The following BIRC6 variants were observed in gnomAD, a reference collection of about 807,000 sequenced individuals.
BIRC6 encodes baculoviral IAP repeat containing 6.
BIRC6 carries 98 observed loss-of-function variants against 503.3 expected under a neutral mutation model. That is an observed-to-expected ratio of 0.19 (90% CI 0.17 to 0.23). The LOEUF (loss-of-function observed/expected upper bound fraction) is 0.23, where lower values mean the gene tolerates loss of function less well. BIRC6 is among the 10% of genes least tolerant of loss of function. The pLI, the probability that BIRC6 is intolerant of heterozygous loss-of-function variation, is 1.00. For synonymous variants in BIRC6, 2,240 were observed against 2,078.7 expected, an observed-to-expected ratio of 1.08 and a Z score of -2.11; for missense variants, 5,360 against 5,806.0, an observed-to-expected ratio of 0.92 and a Z score of 2.50.
chr2:32,461,353 T>TGA (rs2047973096), intron 23 of BIRC6, among the ~76,000 whole-genome samples: 1 of 147,934 alleles, frequency 6.8e-6, no homozygotes. Flanking sequence ...AGTGTGTGTG[T>TGA]GTGTGTGTGT....
intron 2 of BIRC6, among the ~76,000 whole-genome samples, chr2:32,378,037 A>T (rs2037073194): frequency 6.6e-6 from 1 of 152,190 alleles, no homozygotes; most frequent in Non-Finnish European, 1.5e-5. Flanking sequence ...ACAATGGCTT[A>T]AACAGGATAG....
chr2:32,536,828 T>C (rs1222193711), intron 61 of BIRC6, among the ~76,000 whole-genome samples: 1 of 152,172 alleles, frequency 6.6e-6, no homozygotes, highest in East Asian at 1.9e-4. Flanking sequence ...GGGGATGACA[T>C]TGAATCTATA....
At chr2:32,507,888 C>T in intron 50 of BIRC6, 92 bp from the exon 51 acceptor site, 2 of 1,214,298 alleles carry the variant, frequency 1.6e-6, no homozygotes, top group Non-Finnish European at 2.2e-6. Flanking sequence ...ATGAATACAA[C>T]TGTGAAAGCT....
At chr2:32,394,899 C>G (rs1248466805) in intron 5 of BIRC6, among the ~76,000 whole-genome samples, 1 of 152,136 alleles carries the variant, frequency 6.6e-6, no homozygotes, top group African/African-American at 2.4e-5. Context: ...GCCTGTAATT[C>G]CAGCACTCTG....
chr2:32,553,087 C>T (rs2058536150), intron 65 of BIRC6, among the ~76,000 whole-genome samples: 1 of 146,998 alleles, frequency 6.8e-6, no homozygotes, highest in African/African-American at 2.5e-5. Flanking sequence ...ATCCCAGCTA[C>T]TTGGGAGGCT....
Position 32,575,301 on chromosome 2 carries a change from A to G in BIRC6, c.13290A>G (p.Gln4430=), listed in dbSNP as rs1333645945. 1 of 1,613,970 alleles carries G rather than the reference A, an allele frequency of 6.2e-7. No homozygotes were observed. The highest frequency in any genetic ancestry group is 1.1e-5 in the South Asian group (1 of 91,082). ...GEEEEEQSEC[Q]TSVGTLLAKM... is the part of the protein sequence containing the mutation. ...AGGAAGAAGAACAGTCAGAATGTCAAACTTCTGTTGGTACATTGTTAGCCA... is the reference window on the plus strand; with the variant it reads ...AGGAAGAAGAACAGTCAGAATGTCAGACTTCTGTTGGTACATTGTTAGCCA... The change falls in exon 66 of 74, where the codon CAA becomes CAG. Residue 4430 remains glutamine (Q), a synonymous_variant. Coordinates refer to ENST00000421745, the MANE Select transcript of BIRC6 (RefSeq NM_016252.4).
Position 32,464,542 on chromosome 2 carries a change from A to G in BIRC6, c.4975A>G (p.Thr1659Ala). Residue 1659 changes from threonine (T) to alanine (A), a missense_variant, in exon 25 of 74, where the codon ACA becomes GCA. Around this residue, in one of 16 missense-constraint regions of BIRC6, gnomAD observed 2,299 missense variants for 2,267.2 expected, o/e 1.01. Transcript: ENST00000421745. The part of the protein sequence containing the change: ...AKLEAKLHQT[T>A]AAAAAAASAV... ...GCTGGAAGCCAAGTTACATCAGACAACAGCTGCAGCAGCTGCAGCAGCATC... is the reference window on the plus strand; with the variant it reads ...GCTGGAAGCCAAGTTACATCAGACAGCAGCTGCAGCAGCTGCAGCAGCATC... The G allele has an allele frequency of 1.3e-6, 2 of 1,591,694 alleles. No individual in the cohort carries two copies. The highest frequency in any genetic ancestry group is 2.3e-5 in the South Asian group (2 of 88,818).
chr2:32,502,066 G>T (rs985771389), intron 47 of BIRC6, among the ~76,000 whole-genome samples, 178 bp downstream of exon 47: 1 of 152,162 alleles, frequency 6.6e-6, no homozygotes, highest in Non-Finnish European at 1.5e-5. Context: ...CTTTGAAGTG[G>T]TATTTTCAGA....
intron 61 of BIRC6, among the ~76,000 whole-genome samples, chr2:32,535,245 A>G (rs2057129920): frequency 2.0e-5 from 3 of 152,056 alleles, no homozygotes; most frequent in Non-Finnish European, 4.4e-5. Flanking sequence ...AACAGCAGCA[A>G]TAACACTAAC....
chr2:32,371,913 C>T (rs1045804315), intron 1 of BIRC6, among the ~76,000 whole-genome samples: 4 of 152,120 alleles, frequency 2.6e-5, no homozygotes, highest in Non-Finnish European at 4.4e-5. Flanking sequence ...TCCAGTGATT[C>T]TTCTGCCTCA....
rs1442214433 is a variant in BIRC6, at chr2:32,439,694, A to G, written c.3810+8A>G. On this transcript the variant is annotated splice_region_variant and intron_variant, in intron 16 of 73. Transcript: ENST00000421745. ...AAAGTTGCAGCAGGCAAGGTATGAA[A>G]CTGTCATTTTGAACAATAACAATAC... The G allele has an allele frequency of 6.2e-7, 1 of 1,610,942 alleles. No individual in the cohort carries two copies. Among genetic ancestry groups the G allele is most frequent in the East Asian group, 2.2e-5 (1 of 44,846 alleles).
At chr2:32,476,822 T>A (rs1342451825) in intron 34 of BIRC6, among the ~76,000 whole-genome samples, 1 of 152,186 alleles carries the variant, frequency 6.6e-6, no homozygotes, top group African/African-American at 2.4e-5. Flanking sequence ...AAGGCTCAAA[T>A]GTAGTATGTC....
At chr2:32,510,286 TC>T (rs1299359173) in intron 52 of BIRC6, among the ~76,000 whole-genome samples, 1 of 152,102 alleles carries the variant, frequency 6.6e-6, no homozygotes, top group Non-Finnish European at 1.5e-5. Context: ...TCCATATTGA[TC>T]AGGCTGGTTT....
chr2:32,603,529 A>G (rs1188728744), intron 71 of BIRC6, among the ~76,000 whole-genome samples: 1 of 152,142 alleles, frequency 6.6e-6, no homozygotes, highest in Non-Finnish European at 1.5e-5. Context: ...AGCTTGGCCA[A>G]CGTGGTAAGA....
Position 32,378,758 on chromosome 2 carries a change from C to T in BIRC6, c.507+989C>T, listed in dbSNP as rs116692688. On this transcript the variant is annotated intron_variant, in intron 2 of 73. Coordinates refer to ENST00000421745, the MANE Select transcript of BIRC6 (RefSeq NM_016252.4). The stretch of plus-strand genomic sequence containing the variant: ...AGGCGTGAGCCACCGCACCCAGCCA[C>T]ACAACCAGTAATTTTTGCTATGCAT... Among the ~76,000 whole-genome samples, 276 of 152,188 alleles carry T rather than the reference C, an allele frequency of 1.8e-3. 1 individual carries two copies. The highest frequency in any genetic ancestry group is 6.4e-3 in the African/African-American group (264 of 41,534).
chr2:32,415,610 C>T lies in BIRC6; in HGVS notation c.2319C>T (p.Asn773=), dbSNP rs769844436. Residue 773 remains asparagine (N), a synonymous_variant, in exon 10 of 74, where the codon AAC becomes AAT. Coordinates refer to ENST00000421745, the MANE Select transcript of BIRC6 (RefSeq NM_016252.4). The part of the protein sequence containing the change: ...VEALNNLNKL[N]SALCNRRKGE... Reference sequence around the variant, plus strand: ...CCTTGAATAATTTAAATAAATTAAACTCTGCACTATGTAATAGACGGAAAG... The same window carrying T: ...CCTTGAATAATTTAAATAAATTAAATTCTGCACTATGTAATAGACGGAAAG... 6.8e-6 allele frequency: 11 copies of T among 1,613,908 alleles called. No individual in the cohort carries two copies. The highest frequency in any genetic ancestry group is 1.6e-4 in the Middle Eastern group (1 of 6,062).
chr2:32,586,403 A>T (rs2061030474), intron 66 of BIRC6, among the ~76,000 whole-genome samples: 1 of 147,048 alleles, frequency 6.8e-6, no homozygotes, highest in Admixed American at 6.8e-5. Context: ...GTATTATCTC[A>T]GACAAAATCT....
intron 10 of BIRC6, among the ~76,000 whole-genome samples, chr2:32,417,544 C>G (rs1301704800): frequency 1.3e-5 from 2 of 152,100 alleles, no homozygotes; most frequent in African/African-American, 4.8e-5. Flanking sequence ...TATTGATTGT[C>G]TAGCAGGAAT....
intron 63 of BIRC6, 24 bp downstream of exon 63, chr2:32,545,884 A>G (rs2058021725): frequency 1.9e-6 from 3 of 1,588,960 alleles, no homozygotes; most frequent in African/African-American, 1.3e-5. Context: ...TAATTATTTC[A>G]GTTATTAAAA....
Sources: gnomAD v4.1 joint callset for allele counts (sites outside exome capture counted in the v4.1 genomes callset) on GRCh38, gnomAD v4.1.1 for gene constraint, gnomAD v4.1.1 regional missense constraint, MANE v1.5 for transcripts, NCBI Gene and HGNC (gene_info 2026-07-23, HGNC 2026-07-21) for gene names.